MAML2: variants seen among roughly 807,000 people sequenced by gnomAD.
MAML2 encodes mastermind like transcriptional coactivator 2.
Under a neutral mutation model 96.1 loss-of-function variants are expected in MAML2, and 22 were observed. The ratio of observed to expected loss-of-function variants is 0.23; its 90% CI spans 0.16 to 0.33. The LOEUF is 0.33. Among genes scored for constraint, MAML2 ranks in the 10% least tolerant of loss-of-function variants. The probability of loss-of-function intolerance (pLI) is 1.00; values close to 1 mark genes in which losing one functional copy is unlikely to be tolerated. For missense variants in MAML2, 1,367 were observed against 1,392.4 expected (o/e 0.98, Z 0.29); for synonymous variants, 561 against 521.3 (o/e 1.08, Z -1.04).
At chr11:96,115,793 C>T (rs556625575) in intron 1 of MAML2, among the ~76,000 whole-genome samples, 3 of 152,032 alleles carry the variant, frequency 2.0e-5, no homozygotes, top group Non-Finnish European at 2.9e-5. Flanking sequence ...GGAGTAGATA[C>T]CTGAATCAGA....
At chr11:96,046,277 T>C (rs1858900667) in intron 2 of MAML2, among the ~76,000 whole-genome samples, 2 of 151,802 alleles carry the variant, frequency 1.3e-5, no homozygotes, top group Admixed American at 1.3e-4. Context: ...CAAGAATGTG[T>C]TGTGTTCATA....
At chr11:96,027,694 G>A (rs1858547202) in intron 2 of MAML2, among the ~76,000 whole-genome samples, 1 of 152,056 alleles carries the variant, frequency 6.6e-6, no homozygotes, top group Admixed American at 6.6e-5. Context: ...AAGCTGAGGG[G>A]AGCGTAGTAC....
At chr11:96,238,488 T>G (rs1205366975) in intron 1 of MAML2, among the ~76,000 whole-genome samples, 1 of 152,248 alleles carries the variant, frequency 6.6e-6, no homozygotes, top group Non-Finnish European at 1.5e-5. Context: ...CAAACTTTGC[T>G]GTCTCTACTG....
chr11:96,068,915 C>CTTTT (rs71040128), intron 2 of MAML2, among the ~76,000 whole-genome samples: 1 of 106,504 alleles, frequency 9.4e-6, no homozygotes, highest in African/African-American at 3.7e-5. Flanking sequence ...TTCTTCCCTC[C>CTTTT]TTTTTTTTTT....
At chr11:96,235,905 A>C (rs1862361251) in intron 1 of MAML2, among the ~76,000 whole-genome samples, 1 of 152,170 alleles carries the variant, frequency 6.6e-6, no homozygotes, top group Non-Finnish European at 1.5e-5. Context: ...ACAGCAGTAA[A>C]ATCTGTTTTA....
chr11:96,088,572 T>C (rs1040325094), intron 2 of MAML2, among the ~76,000 whole-genome samples: 1 of 152,142 alleles, frequency 6.6e-6, no homozygotes, highest in Non-Finnish European at 1.5e-5. Context: ...GGAAGAAAAT[T>C]ATAGCCAAGA....
intron 2 of MAML2, among the ~76,000 whole-genome samples, chr11:96,035,819 A>G (rs1347623725): frequency 6.6e-6 from 1 of 152,204 alleles, no homozygotes; most frequent in African/African-American, 2.4e-5. Flanking sequence ...GATGAAAGGA[A>G]GACAAACAAA....
chr11:96,159,091 G>T (rs1313518014), intron 1 of MAML2, among the ~76,000 whole-genome samples: 1 of 152,114 alleles, frequency 6.6e-6, no homozygotes, highest in East Asian at 1.9e-4. Flanking sequence ...AAGACAAGTT[G>T]TATCAGAACT....
chr11:96,040,664 G>A (rs1209798394), intron 2 of MAML2, among the ~76,000 whole-genome samples: 1 of 152,176 alleles, frequency 6.6e-6, no homozygotes, highest in Non-Finnish European at 1.5e-5. Flanking sequence ...CTACCCAGGA[G>A]GCTGAGGTAC....
intron 1 of MAML2, among the ~76,000 whole-genome samples, chr11:96,217,372 G>C (rs1213330070): frequency 6.6e-6 from 1 of 152,202 alleles, no homozygotes; most frequent in African/African-American, 2.4e-5. Flanking sequence ...CGGTGCTGTT[G>C]ATACAGTTCA....
chr11:96,236,528 G>A lies in MAML2; in HGVS notation c.513+104855C>T, dbSNP rs1406030763. On this transcript the variant is annotated intron_variant, in intron 1 of 4. Coordinates refer to ENST00000524717, the MANE Select transcript of MAML2 (RefSeq NM_032427.4). The stretch of plus-strand genomic sequence containing the variant: ...TGAGTCTCTGAGCCAGAAATCATTC[G>A]TTCTTAGTCTCCATAGTAGGAGACT... Among the ~76,000 whole-genome samples the A allele has an allele frequency of 2.6e-5, 4 of 152,094 alleles. No individual in the cohort carries two copies. The South Asian group carries it at 6.2e-4, about 24-fold the overall frequency.
At chr11:96,008,137 C>T (rs1858215252) in intron 2 of MAML2, among the ~76,000 whole-genome samples, 1 of 152,064 alleles carries the variant, frequency 6.6e-6, no homozygotes, top group African/African-American at 2.4e-5. Flanking sequence ...AATATATAAA[C>T]CTTTTCATTT....
Position 96,228,522 on chromosome 11 carries a change from A to C in MAML2, c.513+112861T>G, listed in dbSNP as rs1308160067. Reference sequence around the variant, plus strand: ...TCCTCTCAGGATGACTTCCTGCCACAACTAATGGAGTGCCTGGCTAAAAAT... The same window carrying C: ...TCCTCTCAGGATGACTTCCTGCCACCACTAATGGAGTGCCTGGCTAAAAAT... On this transcript the variant is annotated intron_variant, in intron 1 of 4. Transcript: ENST00000524717. 2.0e-5 allele frequency among the ~76,000 whole-genome samples: 3 copies of C among 152,194 alleles called. No individual in the cohort carries two copies. In the East Asian group the frequency reaches 5.8e-4, roughly 29 times the overall value.
chr11:96,331,497 T>C (rs146134766), intron 1 of MAML2, among the ~76,000 whole-genome samples: 1,992 of 151,930 alleles, frequency 0.013, 29 homozygotes, highest in Non-Finnish European at 0.014. Flanking sequence ...TTCTCTTTAA[T>C]AAAAAAATGA....
At chr11:96,029,549 C>G (rs1350737292) in intron 2 of MAML2, among the ~76,000 whole-genome samples, 1 of 152,076 alleles carries the variant, frequency 6.6e-6, no homozygotes, top group Non-Finnish European at 1.5e-5. Flanking sequence ...AGAGGATAAT[C>G]TAGATAATGT....
intron 1 of MAML2, among the ~76,000 whole-genome samples, chr11:96,240,321 C>T (rs896767393): frequency 3.5e-4 from 53 of 151,942 alleles, no homozygotes; most frequent in Non-Finnish European, 7.1e-4. Flanking sequence ...GAGGCCGAGG[C>T]GGGTGGATCA....
At chr11:96,163,690 T>C (rs185398483) in intron 1 of MAML2, among the ~76,000 whole-genome samples, 8 of 152,342 alleles carry the variant, frequency 5.3e-5, no homozygotes, top group Non-Finnish European at 1.2e-4. Context: ...ATCTGTAGGT[T>C]GTCCAAACCT....
At chr11:96,033,316 T>C in intron 2 of MAML2, among the ~76,000 whole-genome samples, 1 of 152,196 alleles carries the variant, frequency 6.6e-6, no homozygotes, top group East Asian at 1.9e-4. Flanking sequence ...TGTAGTACCT[T>C]ATATCAGAGT....
chr11:96,250,214 C>T (rs1211111962), intron 1 of MAML2, among the ~76,000 whole-genome samples: 1 of 151,642 alleles, frequency 6.6e-6, no homozygotes, highest in Non-Finnish European at 1.5e-5. Flanking sequence ...AAATTATCTG[C>T]TTTTCTTTTT....
Sources: gnomAD v4.1 joint callset for allele counts (sites outside exome capture counted in the v4.1 genomes callset) on GRCh38, gnomAD v4.1.1 for gene constraint, MANE v1.5 for transcripts, NCBI Gene and HGNC (gene_info 2026-07-23, HGNC 2026-07-21) for gene names.